The following ARK2C variants were observed in gnomAD, a reference collection of about 807,000 sequenced individuals.
ARK2C encodes arkadia (RNF111) C-terminal like ring finger ubiquitin ligase 2C.
chr18:46,448,807 T>C, the ARK2C span, among the ~76,000 whole-genome samples: 1 of 152,184 alleles, frequency 6.6e-6, no homozygotes, highest in Non-Finnish European at 1.5e-5. Flanking sequence ...AGATATTCCA[T>C]GAAAGCAGCA....
the ARK2C span, among the ~76,000 whole-genome samples, chr18:46,449,436 C>T: frequency 6.6e-6 from 1 of 152,004 alleles, no homozygotes; most frequent in African/African-American, 2.4e-5. Flanking sequence ...ATTTTGTGCC[C>T]CCACCTTGGT....
the ARK2C span, among the ~76,000 whole-genome samples, chr18:46,399,139 G>A: frequency 2.0e-5 from 3 of 152,156 alleles, no homozygotes; most frequent in Admixed American, 6.5e-5. Context: ...TGCTGCCCAC[G>A]AGGTTGGCCA....
the ARK2C span, among the ~76,000 whole-genome samples, chr18:46,362,053 T>C: frequency 6.6e-6 from 1 of 152,234 alleles, no homozygotes; most frequent in African/African-American, 2.4e-5. Context: ...GGGCTGGAGT[T>C]AGCCTGCCAA....
chr18:46,401,736 C>T, the ARK2C span, among the ~76,000 whole-genome samples: 4 of 152,226 alleles, frequency 2.6e-5, no homozygotes, highest in African/African-American at 4.8e-5. Flanking sequence ...GGCTTCTCCA[C>T]GGAGCTTCCT....
At chr18:46,400,281 C>T in the ARK2C span, among the ~76,000 whole-genome samples, 1 of 152,200 alleles carries the variant, frequency 6.6e-6, no homozygotes, top group South Asian at 2.1e-4. Flanking sequence ...ACTCTCTTTA[C>T]TTGGGCTTGG....
At chr18:46,390,516 TTCTA>T in the ARK2C span, among the ~76,000 whole-genome samples, 1 of 152,350 alleles carries the variant, frequency 6.6e-6, no homozygotes, top group East Asian at 1.9e-4. Context: ...GGCATATATA[TTCTA>T]TCTATTTTCA....
chr18:46,456,431 T>C, the ARK2C span: 54 of 941,930 alleles, frequency 5.7e-5, no homozygotes, highest in African/African-American at 7.8e-4. Context: ...AGCCGGGCAG[T>C]TCCCCAGGAG....
At chr18:46,369,984 A>T in the ARK2C span, among the ~76,000 whole-genome samples, 1,016 of 152,106 alleles carry the variant, frequency 6.7e-3, 37 homozygotes, top group Admixed American at 0.059. Flanking sequence ...CGCACCCTAG[A>T]CTTGGGAATG....
chr18:46,337,713 TC>T, the ARK2C span: 2 of 702,540 alleles, frequency 2.8e-6, no homozygotes, highest in South Asian at 1.3e-4. Context: ...GTTTAGATTT[TC>T]CCCCCTTGCT....
chr18:46,402,545 C>T, the ARK2C span, among the ~76,000 whole-genome samples: 14 of 152,180 alleles, frequency 9.2e-5, no homozygotes, highest in Non-Finnish European at 1.9e-4. Context: ...GAGAATCTCT[C>T]TCTGTCACCC....
the ARK2C span, among the ~76,000 whole-genome samples, chr18:46,444,940 T>C: frequency 6.6e-6 from 1 of 152,160 alleles, no homozygotes. Context: ...CTATATATTT[T>C]ACTCTTCTCT....
At chr18:46,334,521 C>T in the ARK2C span, 12 of 500,256 alleles carry the variant, frequency 2.4e-5, no homozygotes, top group African/African-American at 6.1e-5. This position sits in a 1 kb window ranked among gnomAD's most constrained non-coding sequence, Gnocchi z 4.4. Flanking sequence ...CTCGTGGGAG[C>T]TTTTGTAGTG....
chr18:46,350,448 C>G, the ARK2C span, among the ~76,000 whole-genome samples: 1 of 152,148 alleles, frequency 6.6e-6, no homozygotes, highest in Non-Finnish European at 1.5e-5. Flanking sequence ...AGGTCCATGT[C>G]AGTAGAGCAT....
chr18:46,375,483 G>C, the ARK2C span, among the ~76,000 whole-genome samples: 1 of 151,802 alleles, frequency 6.6e-6, no homozygotes, highest in African/African-American at 2.4e-5. Flanking sequence ...GAACTTGGGA[G>C]GTGGAGGTTG....
the ARK2C span, among the ~76,000 whole-genome samples, chr18:46,373,922 A>T: frequency 6.7e-6 from 1 of 149,260 alleles, no homozygotes; most frequent in Non-Finnish European, 1.5e-5. Context: ...CTGTTTTCCC[A>T]GAAGCAGATG....
the ARK2C span, among the ~76,000 whole-genome samples, chr18:46,445,763 G>C: frequency 6.6e-6 from 1 of 152,134 alleles, no homozygotes; most frequent in Non-Finnish European, 1.5e-5. Flanking sequence ...AGTCTGCATT[G>C]CTTGTTATAT....
At chr18:46,398,331 G>T in the ARK2C span, among the ~76,000 whole-genome samples, 1 of 151,804 alleles carries the variant, frequency 6.6e-6, no homozygotes, top group African/African-American at 2.4e-5. Context: ...GAAGGAAGCA[G>T]GTAGGGAGGG....
chr18:46,334,195 C>CGCCCGA, the ARK2C span: 1 of 927,070 alleles, frequency 1.1e-6, no homozygotes, highest in African/African-American at 1.8e-5. The surrounding 1 kb of genome is among the most constrained non-coding windows in gnomAD (Gnocchi z 4.4). Context: ...GCCCCGCCGC[C>CGCCCGA]GCCCGCGCCC....
At chr18:46,409,043 G>A in the ARK2C span, among the ~76,000 whole-genome samples, 22 of 152,252 alleles carry the variant, frequency 1.4e-4, no homozygotes, top group Non-Finnish European at 2.8e-4. Context: ...AGATAATAAC[G>A]GTAGCTACAC....
Sources: allele counts gnomAD v4.1 joint callset (sites outside exome capture counted in the v4.1 genomes callset), GRCh38; gene constraint gnomAD v4.1.1; non-coding constraint Gnocchi (gnomAD v3.1); transcripts MANE v1.5; gene names NCBI Gene and HGNC (gene_info 2026-07-23, HGNC 2026-07-21).